The following ESRRG variants were observed in gnomAD, a reference collection of about 807,000 sequenced individuals.
ESRRG encodes estrogen-related receptor gamma.
In ESRRG, 13 loss-of-function variants were observed where a neutral mutation model predicts 44.0. That is an observed-to-expected ratio of 0.30 (90% CI 0.19 to 0.47). The LOEUF is 0.47. Ranked by LOEUF, ESRRG falls within the 20% of genes least tolerant of loss-of-function variation. ESRRG has a pLI of 1.00. For synonymous variants in ESRRG, 215 were observed against 214.6 expected, an observed-to-expected ratio of 1.00 and a Z score of -0.02; for missense variants, 395 against 580.6, an observed-to-expected ratio of 0.68 and a Z score of 3.29.
intron 1 of ESRRG, among the ~76,000 whole-genome samples, chr1:217,067,058 ATAGTCTAAACT>A (rs1411244192): frequency 2.6e-5 from 4 of 152,232 alleles, no homozygotes; most frequent in Non-Finnish European, 5.9e-5. Flanking sequence ...GGTGAGCAAA[ATAGTCTAAACT>A]TGTTCACATA....
intron 2 of ESRRG, among the ~76,000 whole-genome samples, chr1:216,934,911 A>G (rs1165400162): frequency 2.0e-5 from 3 of 152,192 alleles, no homozygotes; most frequent in African/African-American, 4.8e-5. Context: ...TATACATTAT[A>G]AATCTTAGCA....
chr1:216,742,760 T>C lies in ESRRG; in HGVS notation c.-13-65269A>G, dbSNP rs559706194. Among the ~76,000 whole-genome samples, 46 of 152,210 alleles carry C rather than the reference T, an allele frequency of 3.0e-4. 1 individual carries two copies. Among genetic ancestry groups the C allele is most frequent in the Non-Finnish European group, 6.3e-4 (43 of 68,010 alleles). On this transcript the variant is annotated intron_variant, in intron 2 of 7. Coordinates refer to the ESRRG transcript ENST00000359162. ...AATGAATCGTTATGAACACCAAATATGCTTATTTTGTTTACACACCAAAAG... is the reference window on the plus strand; with the variant it reads ...AATGAATCGTTATGAACACCAAATACGCTTATTTTGTTTACACACCAAAAG...
At chr1:216,868,914 G>T (rs943628088) in intron 2 of ESRRG, among the ~76,000 whole-genome samples, 2 of 152,030 alleles carry the variant, frequency 1.3e-5, no homozygotes, top group Non-Finnish European at 2.9e-5. Context: ...AAATTAGGTT[G>T]TTAGTTTTCT....
intron 1 of ESRRG, among the ~76,000 whole-genome samples, chr1:216,986,573 A>T (rs1411569798): frequency 6.6e-6 from 1 of 151,828 alleles, no homozygotes. Context: ...ATAATAATAC[A>T]AAAATCAGCC....
chr1:217,069,920 C>T (rs1012713734), intron 1 of ESRRG, among the ~76,000 whole-genome samples: 1 of 152,148 alleles, frequency 6.6e-6, no homozygotes, highest in Non-Finnish European at 1.5e-5. Flanking sequence ...ATGATGGTGT[C>T]CCAGACTCAA....
At chr1:216,748,645 C>T (rs933773156) in intron 2 of ESRRG, among the ~76,000 whole-genome samples, 13 of 152,164 alleles carry the variant, frequency 8.5e-5, no homozygotes, top group Non-Finnish European at 1.9e-4. Flanking sequence ...TGCCAATACA[C>T]AAATTCTGAT....
chr1:216,677,557 A>T, intron 1 of ESRRG, 66 bp from the exon 2 acceptor site: 1 of 1,348,518 alleles, frequency 7.4e-7, no homozygotes, highest in Non-Finnish European at 1.0e-6. Context: ...AGACCAAAAG[A>T]GGTAGAAACA....
intron 2 of ESRRG, among the ~76,000 whole-genome samples, chr1:216,826,358 A>G (rs2148678198): frequency 6.6e-6 from 1 of 152,274 alleles, no homozygotes; most frequent in East Asian, 1.9e-4. Context: ...ACAGTGTAGA[A>G]TAATGAGAGC....
At chr1:217,085,557 C>A (rs2092037163) in intron 1 of ESRRG, among the ~76,000 whole-genome samples, 1 of 127,082 alleles carries the variant, frequency 7.9e-6, no homozygotes. Flanking sequence ...GTGGCGCCAT[C>A]TCGGCTGACT....
upstream of ESRRG, among the ~76,000 whole-genome samples, chr1:217,093,996 C>CAG (rs879830162): frequency 2.4e-4 from 36 of 152,136 alleles, no homozygotes; most frequent in East Asian, 3.3e-3. Flanking sequence ...AATCCTCCTG[C>CAG]CTCAGACTCT....
At chr1:217,013,129 G>T (rs1258991807) in intron 1 of ESRRG, among the ~76,000 whole-genome samples, 1 of 152,182 alleles carries the variant, frequency 6.6e-6, no homozygotes, top group East Asian at 1.9e-4. Context: ...GATTACCTCT[G>T]GAAAGGCTCT....
rs561372623 is a variant in ESRRG at position 217,035,677 on chromosome 1, C to T, written c.-106+53830G>A. ...AATAAAGTAAAAACTCTAGGGATTC[C>T]GTGAAAAAAAAAAAAAAATCAGGAG... On this transcript the variant is annotated intron_variant, in intron 1 of 7. Transcript: ENST00000359162. Among the ~76,000 whole-genome samples, 14 of 134,766 alleles carry T rather than the reference C, an allele frequency of 1.0e-4. No individual in the cohort carries two copies. In the South Asian group the frequency reaches 1.2e-3, roughly 11 times the overall value. 88.4% of individuals were successfully genotyped at this position (134,766 alleles called of 152,430 possible).
intron 2 of ESRRG, among the ~76,000 whole-genome samples, chr1:216,926,405 C>T (rs1354526858): frequency 7.5e-6 from 1 of 133,832 alleles, no homozygotes; most frequent in African/African-American, 2.8e-5. Flanking sequence ...AAACTGATAA[C>T]ACCTATGAAA....
intron 5 of ESRRG, among the ~76,000 whole-genome samples, chr1:216,549,867 A>C (rs539607354): frequency 9.2e-5 from 14 of 152,166 alleles, no homozygotes; most frequent in African/African-American, 3.4e-4. Flanking sequence ...TTATTTTTAC[A>C]CTTGTAAGTT....
chr1:216,797,112 G>A (rs913259574), intron 2 of ESRRG, among the ~76,000 whole-genome samples: 1 of 151,928 alleles, frequency 6.6e-6, no homozygotes, highest in Non-Finnish European at 1.5e-5. Flanking sequence ...GCCTGGTCTC[G>A]AACTCCTGAC....
At chr1:216,513,230 G>T (rs1440164580) in intron 6 of ESRRG, among the ~76,000 whole-genome samples, 2 of 152,088 alleles carry the variant, frequency 1.3e-5, no homozygotes, top group African/African-American at 4.8e-5. Flanking sequence ...GAGAGAGAAA[G>T]AAATTTCTGG....
intron 5 of ESRRG, among the ~76,000 whole-genome samples, chr1:216,536,784 T>G (rs2051101545): frequency 6.6e-6 from 1 of 152,140 alleles, no homozygotes; most frequent in African/African-American, 2.4e-5. Flanking sequence ...GAGCTGGGCA[T>G]TATGAATGCA....
chr1:216,813,835 C>T (rs904978282), intron 2 of ESRRG, among the ~76,000 whole-genome samples: 2 of 152,306 alleles, frequency 1.3e-5, no homozygotes, highest in South Asian at 2.1e-4. Flanking sequence ...AGAAAACACA[C>T]TCATTCCCCT....
At chr1:216,815,070 G>T (rs774810918) in intron 2 of ESRRG, among the ~76,000 whole-genome samples, 2 of 152,134 alleles carry the variant, frequency 1.3e-5, no homozygotes, top group African/African-American at 2.4e-5. Context: ...ATAGATTAGC[G>T]GTTAGCATAA....
Sources: gnomAD v4.1 joint callset for allele counts (sites outside exome capture counted in the v4.1 genomes callset) on GRCh38, gnomAD v4.1.1 for gene constraint, MANE v1.5 for transcripts, NCBI Gene and HGNC (gene_info 2026-07-23, HGNC 2026-07-21) for gene names.